GUF1: variants seen among roughly 807,000 people sequenced by gnomAD.
GUF1 encodes the protein translation factor GUF1, mitochondrial.
GUF1 carries 78 observed loss-of-function variants against 82.4 expected under a neutral mutation model. The ratio of observed to expected loss-of-function variants is 0.95; its 90% CI spans 0.79 to 1.14. The LOEUF (loss-of-function observed/expected upper bound fraction) is 1.14, where lower values mean the gene tolerates loss of function less well. GUF1 is among the 50% of genes most tolerant of loss of function. The pLI is 0.00. For missense variants in GUF1, 814 were observed against 798.2 expected (o/e 1.02, Z -0.24); for synonymous variants, 279 against 282.3 (o/e 0.99, Z 0.12).
At position 44,680,738 on chromosome 4, in the gene GUF1, T is replaced by C. The variant is rs748371865; in HGVS notation, c.322T>C (p.Leu108=). Residue 108 remains leucine, a synonymous_variant, in exon 3 of 17, where the codon TTG becomes CTG. Coordinates refer to ENST00000281543, the MANE Select transcript of GUF1 (RefSeq NM_021927.3). ...TKNNKQVLDK[L]QVERERGITV... is the part of the protein sequence containing the mutation. The stretch of plus-strand genomic sequence containing the variant: ...GAATAATAAGCAGGTTCTTGATAAA[T>C]TGCAAGTGGAACGAGAAAGAGGAAT... 2 of 1,611,012 alleles carry C rather than the reference T, an allele frequency of 1.2e-6. No homozygotes were observed. The highest frequency in any genetic ancestry group is 1.7e-6 in the Non-Finnish European group (2 of 1,177,962).
chr4:44,694,484 T>A lies in GUF1; in HGVS notation c.1686T>A (p.Thr562=). ...TGGATATTCTACTGAATGGAAATACTGTAGAGGAGCTAGTAACTGTTGTAC... is the reference window on the plus strand; with the variant it reads ...TGGATATTCTACTGAATGGAAATACAGTAGAGGAGCTAGTAACTGTTGTAC... ...VKMDILLNGN[T]VEELVTVVHK... is the part of the protein sequence containing the mutation. The change falls in exon 14 of 17, where the codon ACT becomes ACA. Residue 562 remains threonine (T), a synonymous_variant. Coordinates refer to ENST00000281543, the MANE Select transcript of GUF1 (RefSeq NM_021927.3). 1 of 1,601,454 alleles carries A rather than the reference T, an allele frequency of 6.2e-7. No individual in the cohort carries two copies. The highest frequency in any genetic ancestry group is 8.6e-7 in the Non-Finnish European group (1 of 1,168,914).
intron 7 of GUF1, 59 bp downstream of exon 7, chr4:44,686,082 A>G: frequency 4.4e-6 from 5 of 1,137,282 alleles, no homozygotes; most frequent in South Asian, 3.8e-5. Context: ...AAAACTGTCC[A>G]TGTTTAATAG....
Position 44,678,427 on chromosome 4 carries a change from G to C in GUF1, c.-196G>C. On this transcript the variant is annotated 5_prime_UTR_variant, in exon 1 of 17. Coordinates refer to ENST00000281543, the MANE Select transcript of GUF1 (RefSeq NM_021927.3). Reference sequence around the variant, plus strand: ...CGACAGCGTGCGGCGTGCAGACGTCGGCAAGCTGCGCCGCCGCTTCGGGTT... The same window carrying C: ...CGACAGCGTGCGGCGTGCAGACGTCCGCAAGCTGCGCCGCCGCTTCGGGTT... 2.1e-6 allele frequency: 1 copy of C among 483,112 alleles called. No individual in the cohort carries two copies. Among genetic ancestry groups the C allele is most frequent in the Non-Finnish European group, 3.5e-6 (1 of 283,524 alleles). The allele number at this position is 483,112 out of a possible 1,614,324, so 29.9% of individuals were successfully genotyped here.
intron 8 of GUF1, among the ~76,000 whole-genome samples, 173 bp from the exon 9 acceptor site, chr4:44,687,834 G>A (rs1163215930): frequency 6.6e-6 from 1 of 151,874 alleles, no homozygotes; most frequent in East Asian, 1.9e-4. Flanking sequence ...GACCTGGTGT[G>A]TTCATTTGCT....
At chr4:44,689,504 T>C (rs1577772755) in intron 10 of GUF1, 95 bp downstream of exon 10, 11 of 1,310,740 alleles carry the variant, frequency 8.4e-6, no homozygotes, top group African/African-American at 3.0e-5. Flanking sequence ...TTAAAAAATA[T>C]CTTTATAAGT....
At chr4:44,681,444 G>T (rs961604754) in intron 4 of GUF1, among the ~76,000 whole-genome samples, 1 of 151,650 alleles carries the variant, frequency 6.6e-6, no homozygotes, top group African/African-American at 2.4e-5. Flanking sequence ...GTATTTTTTT[G>T]AAGTGTGACA....
intron 15 of GUF1, 47 bp downstream of exon 15, chr4:44,695,781 A>T: frequency 6.3e-7 from 1 of 1,576,814 alleles, no homozygotes; most frequent in South Asian, 1.2e-5. Context: ...CAGAAATGAT[A>T]TACCTAAAAA....
intron 13 of GUF1, among the ~76,000 whole-genome samples, chr4:44,692,177 T>G (rs1027478805): frequency 6.6e-6 from 1 of 151,924 alleles, no homozygotes; most frequent in African/African-American, 2.4e-5. Context: ...AGCATCTATT[T>G]ACATTTGAAA....
Position 44,680,791 on chromosome 4 carries a change from C to CT in GUF1, c.379dup (p.Tyr127LeufsTer4). 6.2e-7 allele frequency: 1 copy of CT among 1,612,516 alleles called. No individual in the cohort carries two copies. Among genetic ancestry groups the CT allele is most frequent in the Non-Finnish European group, 8.5e-7 (1 of 1,178,992 alleles). On this transcript the variant is annotated frameshift_variant, in exon 3 of 17. Transcript: ENST00000281543. LOFTEE classifies it high-confidence loss of function. ...CTGTTAAAGCACAGACAGCATCTCT[C>CT]TTTTACAATTGTGAAGGAAAGCAGT...
chr4:44,690,481 T>C (rs1163136952), intron 11 of GUF1, among the ~76,000 whole-genome samples: 1 of 151,830 alleles, frequency 6.6e-6, no homozygotes, highest in Non-Finnish European at 1.5e-5. Flanking sequence ...AATTAACTTA[T>C]TAGACTATAA....
chr4:44,686,841 T>C lies in GUF1; in HGVS notation c.938+128T>C. 9.3e-6 allele frequency: 6 copies of C among 647,312 alleles called. No homozygotes were observed. In the South Asian group the frequency reaches 9.3e-5, roughly 10 times the overall value. 40.1% of individuals were successfully genotyped at this position (647,312 alleles called of 1,614,324 possible). Reference sequence around the variant, plus strand: ...TAAAAAAAACTATTTAATGCAACTATACAGTAAATGCTCTGTCAAGGAATC... The same window carrying C: ...TAAAAAAAACTATTTAATGCAACTACACAGTAAATGCTCTGTCAAGGAATC... On this transcript the variant is annotated intron_variant, in intron 8 of 16. Coordinates refer to ENST00000281543, the MANE Select transcript of GUF1 (RefSeq NM_021927.3).
At chr4:44,679,293 AG>A (rs1714630123) in intron 1 of GUF1, among the ~76,000 whole-genome samples, 1 of 152,174 alleles carries the variant, frequency 6.6e-6, no homozygotes, top group Non-Finnish European at 1.5e-5. Context: ...CCTAGAATGC[AG>A]GAAGTTCTCG....
intron 15 of GUF1, among the ~76,000 whole-genome samples, chr4:44,696,210 CA>C (rs1466611296): frequency 6.6e-6 from 1 of 152,050 alleles, no homozygotes; most frequent in Non-Finnish European, 1.5e-5. Flanking sequence ...TTAGGATTTG[CA>C]TTCTAGATTA....
rs751795332 is a variant in GUF1 at position 44,698,603 on chromosome 4, A to G, written c.1932A>G (p.Lys644=). 1.5e-5 allele frequency: 24 copies of G among 1,611,194 alleles called. No individual in the cohort carries two copies. Among genetic ancestry groups the G allele is most frequent in the Middle Eastern group, 1.7e-4 (1 of 6,046 alleles). ...KLLKRQAEGK[K]KLRKIGNVEV... Reference sequence around the variant, plus strand: ...TGAAGAGACAAGCAGAAGGGAAAAAAAAGCTGAGGAAAATTGGCAACGTTG... The same window carrying G: ...TGAAGAGACAAGCAGAAGGGAAAAAGAAGCTGAGGAAAATTGGCAACGTTG... The change falls in exon 17 of 17, where the codon AAA becomes AAG. Residue 644 remains lysine (K), a synonymous_variant. Coordinates refer to ENST00000281543, the MANE Select transcript of GUF1 (RefSeq NM_021927.3).
rs375940876 is a variant in GUF1 at position 44,695,367 on chromosome 4, G to A, written c.1716-248G>A. On this transcript the variant is annotated intron_variant, in intron 14 of 16. Coordinates refer to ENST00000281543, the MANE Select transcript of GUF1 (RefSeq NM_021927.3). ...CCAAAATGTTTAACCGTTTTCAGCG[G>A]GTAAGGAAAGAGAATCAAGAACAGT... Among the ~76,000 whole-genome samples the A allele has an allele frequency of 2.0e-5, 3 of 152,304 alleles. No individual in the cohort carries two copies. In the East Asian group the frequency reaches 5.8e-4, roughly 29 times the overall value.
At position 44,691,696 on chromosome 4, in the gene GUF1, T is replaced by C. The variant is rs1577775854; in HGVS notation, c.1510T>C (p.Phe504Leu). Residue 504 changes from phenylalanine to leucine, a missense_variant, in exon 13 of 17, where the codon TTT becomes CTT. Transcript: ENST00000281543. ...AAGAGCAGTTCAGAAGAATATGATATTTATTGATCAAAATAGAGTTATGCT... is the reference window on the plus strand; with the variant it reads ...AAGAGCAGTTCAGAAGAATATGATACTTATTGATCAAAATAGAGTTATGCT... ...ARRAVQKNMI[F>L]IDQNRVMLKY... is the part of the protein sequence containing the mutation. 2 of 1,590,718 alleles carry C rather than the reference T, an allele frequency of 1.3e-6. No individual in the cohort carries two copies. Among genetic ancestry groups the C allele is most frequent in the Non-Finnish European group, 1.7e-6 (2 of 1,165,846 alleles).
At chr4:44,697,834 T>G (rs1466016278) in intron 16 of GUF1, among the ~76,000 whole-genome samples, 2 of 152,160 alleles carry the variant, frequency 1.3e-5, no homozygotes, top group African/African-American at 4.8e-5. Context: ...GCCAGTTTGC[T>G]GTTATTCAGC....
intron 9 of GUF1, among the ~76,000 whole-genome samples, chr4:44,688,677 T>A (rs751453508): frequency 6.6e-6 from 1 of 151,876 alleles, no homozygotes; most frequent in Non-Finnish European, 1.5e-5. Context: ...AGCCCTTAAT[T>A]TTTGCCCTAC....
At chr4:44,682,190 G>A (rs549607736) in intron 4 of GUF1, 144 bp from the exon 5 acceptor site, 2 of 430,338 alleles carry the variant, frequency 4.6e-6, no homozygotes, top group Admixed American at 4.1e-5. Flanking sequence ...AGCATGAAGG[G>A]TAGCTACATG....
Sources: allele counts gnomAD v4.1 joint callset (sites outside exome capture counted in the v4.1 genomes callset), GRCh38; gene constraint gnomAD v4.1.1; transcripts MANE v1.5; gene names NCBI Gene and HGNC (gene_info 2026-07-23, HGNC 2026-07-21).